Variants in NKTR observed in about 807,000 individuals in gnomAD.
NKTR encodes the protein NK-tumor recognition protein.
NKTR carries 67 observed loss-of-function variants against 156.3 expected under a neutral mutation model. That is an observed-to-expected ratio of 0.43 (90% CI 0.35 to 0.53). The LOEUF is 0.53. NKTR is among the 20% of genes least tolerant of loss of function. NKTR has a pLI of 0.01. For synonymous variants in NKTR, 640 were observed against 596.6 expected (o/e 1.07, Z -1.06); for missense variants, 1,604 against 1,730.9 (o/e 0.93, Z 1.30).
chr3:42,615,123 G>A (rs1393955158), intron 2 of NKTR, among the ~76,000 whole-genome samples: 2 of 151,072 alleles, frequency 1.3e-5, no homozygotes, highest in East Asian at 3.9e-4. Context: ...GTGTCGCGCA[G>A]GCTGGAGTGC....
At chr3:42,619,439 T>C (rs577243234) in intron 4 of NKTR, 3 of 1,367,188 alleles carry the variant, frequency 2.2e-6, no homozygotes, top group East Asian at 5.6e-5. Flanking sequence ...TATTACTGTT[T>C]GAAATAAGTA....
At chr3:42,607,235 G>C (rs553183665) in intron 2 of NKTR, among the ~76,000 whole-genome samples, 7 of 152,160 alleles carry the variant, frequency 4.6e-5, no homozygotes, top group Admixed American at 1.3e-4. Flanking sequence ...GGGTGGGTGC[G>C]TGCGGCTCTT....
chr3:42,614,917 A>G (rs534824966), intron 2 of NKTR, among the ~76,000 whole-genome samples: 2 of 152,168 alleles, frequency 1.3e-5, no homozygotes, highest in African/African-American at 4.8e-5. Flanking sequence ...GGCAAAAACA[A>G]TTCAGTTTTG....
intron 16 of NKTR, among the ~76,000 whole-genome samples, chr3:42,644,327 TGCTA>T (rs1353060792): frequency 6.6e-6 from 1 of 152,136 alleles, no homozygotes; most frequent in Admixed American, 6.5e-5. Context: ...TAGAACCACT[TGCTA>T]GCAGTAGCCA....
chr3:42,628,265 G>C, intron 6 of NKTR: 1 of 985,390 alleles, frequency 1.0e-6, no homozygotes, highest in East Asian at 1.1e-4. Context: ...AGTTGTCCTT[G>C]AAATAGTCAT....
chr3:42,627,444 T>G, intron 6 of NKTR: 1 of 985,220 alleles, frequency 1.0e-6, no homozygotes, highest in Non-Finnish European at 1.2e-6. Context: ...CCTGTACATC[T>G]TCTGGTGGGG....
chr3:42,625,216 G>A (rs1329425274), intron 6 of NKTR, among the ~76,000 whole-genome samples: 1 of 152,118 alleles, frequency 6.6e-6, no homozygotes, highest in East Asian at 1.9e-4. Flanking sequence ...AGCAACAGAA[G>A]TCTCTTCATC....
chr3:42,610,817 T>A (rs1195161215), intron 2 of NKTR, among the ~76,000 whole-genome samples: 1 of 152,220 alleles, frequency 6.6e-6, no homozygotes, highest in African/African-American at 2.4e-5. Flanking sequence ...ACAGTTGATA[T>A]AGTGTTACAC....
rs1709656088 is a variant in NKTR, at chr3:42,638,988, C to T, written c.3284C>T (p.Ala1095Val). 1.2e-6 allele frequency: 2 copies of T among 1,613,394 alleles called. No individual in the cohort carries two copies. Among genetic ancestry groups the T allele is most frequent in the Non-Finnish European group, 1.7e-6 (2 of 1,179,726 alleles). Reference protein sequence around the residue: ...DDSKLSISPTALNTEENVACL... With the variant: ...DDSKLSISPTVLNTEENVACL... ...AGTAAACTCAGTATTTCTCCCACAG[C>T]TTTAAATACTGAGGAAAATGTGGCC... The change falls in exon 13 of 17, where the codon GCT becomes GTT. Residue 1095 changes from alanine (A) to valine (V), a missense_variant. Coordinates refer to ENST00000232978, the MANE Select transcript of NKTR (RefSeq NM_005385.4).
intron 6 of NKTR, chr3:42,628,258 T>C (rs1708580855): frequency 1.0e-6 from 1 of 985,332 alleles, no homozygotes. Context: ...CAGGCTGAGT[T>C]GTCCTTGAAA....
At chr3:42,623,877 C>CT (rs2125790519) in intron 6 of NKTR, 1 of 152,216 alleles carries the variant, frequency 6.6e-6, no homozygotes, top group African/African-American at 2.4e-5. Flanking sequence ...ATAGTTCCTG[C>CT]TTTATAGGCT....
At position 42,638,201 on chromosome 3, in the gene NKTR, A is replaced by G. The variant is rs1709586315; in HGVS notation, c.2497A>G (p.Arg833Gly). 2 of 1,613,556 alleles carry G rather than the reference A, an allele frequency of 1.2e-6. No individual in the cohort carries two copies. Among genetic ancestry groups the G allele is most frequent in the African/African-American group, 2.7e-5 (2 of 74,942 alleles). The change falls in exon 13 of 17, where the codon AGA becomes GGA. Residue 833 changes from arginine to glycine, a missense_variant. Transcript: ENST00000232978. ...QEKEKQGQME[R>G]THNKQEKNRG... ...AAAAGAGAAGCAGGGCCAAATGGAA[A>G]GAACACATAATAAACAAGAAAAAAA...
Position 42,637,909 on chromosome 3 carries a change from T to C in NKTR, c.2205T>C (p.His735=). 1 of 1,614,008 alleles carries C rather than the reference T, an allele frequency of 6.2e-7. No homozygotes were observed. The highest frequency in any genetic ancestry group is 8.5e-7 in the Non-Finnish European group (1 of 1,179,910). The stretch of plus-strand genomic sequence containing the variant: ...ATTCACGAAATAAATACAGTGATCA[T>C]TCACAGTGTAGTAGATCATCTTCAT... ...RSHSRNKYSD[H]SQCSRSSSYT... The change falls in exon 13 of 17, where the codon CAT becomes CAC. Residue 735 remains histidine, a synonymous_variant. Coordinates refer to ENST00000232978, the MANE Select transcript of NKTR (RefSeq NM_005385.4).
chr3:42,618,743 C>G (rs1470765590), intron 3 of NKTR, among the ~76,000 whole-genome samples: 1 of 152,190 alleles, frequency 6.6e-6, no homozygotes, highest in African/African-American at 2.4e-5. Flanking sequence ...TGCGCCTGAC[C>G]TCATTCTTTG....
intron 11 of NKTR, 143 bp from the exon 12 acceptor site, chr3:42,635,078 A>T: frequency 1.4e-5 from 6 of 434,264 alleles, no homozygotes; most frequent in Non-Finnish European, 1.5e-5. Flanking sequence ...AAAAAAAAAA[A>T]GAACTTTAGA....
upstream of NKTR, chr3:42,600,653 G>A (rs1705283080): frequency 1.6e-5 from 3 of 182,778 alleles, no homozygotes; most frequent in Non-Finnish European, 3.4e-5. Flanking sequence ...GCGGGGTTTA[G>A]CGTGGCATTG....
Position 42,638,392 on chromosome 3 carries a change from T to TA in NKTR, c.2693dup (p.Asn898LysfsTer3). 6.2e-7 allele frequency: 1 copy of TA among 1,613,908 alleles called. No homozygotes were observed. The highest frequency in any genetic ancestry group is 8.5e-7 in the Non-Finnish European group (1 of 1,179,976). Reference sequence around the variant, plus strand: ...AGTCAAATTCAGAACGAGATGTCACTAAAAACAGTAAAAATGACTCCCATC... The same window carrying TA: ...AGTCAAATTCAGAACGAGATGTCACTAAAAAACAGTAAAAATGACTCCCATC... On this transcript the variant is annotated frameshift_variant, in exon 13 of 17. Transcript: ENST00000232978. LOFTEE classifies it high-confidence loss of function.
intron 12 of NKTR, among the ~76,000 whole-genome samples, chr3:42,636,206 T>G (rs1447996901): frequency 6.6e-6 from 1 of 152,220 alleles, no homozygotes; most frequent in East Asian, 1.9e-4. Flanking sequence ...GGGGACATCC[T>G]GCAGAGTGGT....
chr3:42,627,338 G>A, intron 6 of NKTR: 1 of 983,992 alleles, frequency 1.0e-6, no homozygotes, highest in Non-Finnish European at 1.2e-6. Flanking sequence ...TGCTTTATCT[G>A]TATAGCAGCA....
Sources: gnomAD v4.1 joint callset for allele counts (sites outside exome capture counted in the v4.1 genomes callset) on GRCh38, gnomAD v4.1.1 for gene constraint, MANE v1.5 for transcripts, NCBI Gene and HGNC (gene_info 2026-07-23, HGNC 2026-07-21) for gene names.